The following FRAS1 variants were observed in gnomAD, a reference collection of about 807,000 sequenced individuals.
The protein encoded by FRAS1 is Fraser extracellular matrix complex subunit 1.
A neutral mutation model predicts 435.2 loss-of-function variants in FRAS1; 290 were observed. The observed-to-expected ratio is 0.67, with a 90% confidence interval of 0.61 to 0.73. The LOEUF (loss-of-function observed/expected upper bound fraction) is 0.73. Ranked by LOEUF, FRAS1 falls within the 30% of genes least tolerant of loss-of-function variation. The pLI is 0.00. For synonymous variants in FRAS1, 1,800 were observed against 1,851.0 expected, an observed-to-expected ratio of 0.97 and a Z score of 0.71; for missense variants, 4,860 against 5,001.5, an observed-to-expected ratio of 0.97 and a Z score of 0.85.
intron 2 of FRAS1, among the ~76,000 whole-genome samples, chr4:78,126,030 G>A (rs1719332622): frequency 6.6e-6 from 1 of 152,178 alleles, no homozygotes; most frequent in African/African-American, 2.4e-5. Context: ...GCTGCAGTGG[G>A]CTCCACCCAG....
intron 2 of FRAS1, among the ~76,000 whole-genome samples, chr4:78,115,806 GTT>G (rs1405921966): frequency 6.0e-5 from 9 of 150,998 alleles, no homozygotes; most frequent in African/African-American, 1.7e-4. Context: ...ATTTTTTGAA[GTT>G]TTTTTTGTGT....
intron 66 of FRAS1, among the ~76,000 whole-genome samples, chr4:78,517,908 C>A (rs1033282617): frequency 6.6e-6 from 1 of 151,824 alleles, no homozygotes; most frequent in Non-Finnish European, 1.5e-5. Flanking sequence ...GTATAAGGGA[C>A]AGAACATGGT....
intron 2 of FRAS1, among the ~76,000 whole-genome samples, chr4:78,116,042 T>C (rs1340634252): frequency 2.0e-5 from 3 of 152,244 alleles, no homozygotes; most frequent in South Asian, 2.1e-4. Flanking sequence ...TTTGTTCTCA[T>C]TGGTTTCAAA....
At chr4:78,144,729 G>C (rs987524715) in intron 2 of FRAS1, among the ~76,000 whole-genome samples, 2 of 152,018 alleles carry the variant, frequency 1.3e-5, no homozygotes, top group Non-Finnish European at 2.9e-5. Context: ...TGTGTATTCT[G>C]TTCAGTAATT....
Position 78,464,070 on chromosome 4 carries a change from T to A in FRAS1, c.6813T>A (p.Val2271=). 1 of 1,613,768 alleles carries A rather than the reference T, an allele frequency of 6.2e-7. No homozygotes were observed. The highest frequency in any genetic ancestry group is 8.5e-7 in the Non-Finnish European group (1 of 1,179,788). ...AAGCTGATCTGACTTCACGAAATGT[T>A]CAGTATGTCCATTCTAGTGAGGCTG... ...FTQADLTSRN[V]QYVHSSEAEK... The change falls in exon 48 of 74, where the codon GTT becomes GTA. Residue 2271 remains valine, a synonymous_variant. Transcript: ENST00000512123.
chr4:78,420,112 T>C (rs1733713255), intron 33 of FRAS1, among the ~76,000 whole-genome samples: 1 of 152,222 alleles, frequency 6.6e-6, no homozygotes, highest in Non-Finnish European at 1.5e-5. Context: ...GATCAGGTTC[T>C]ATTAAGATAA....
intron 14 of FRAS1, among the ~76,000 whole-genome samples, chr4:78,303,116 TC>T (rs1398000776): frequency 6.6e-6 from 1 of 152,212 alleles, no homozygotes; most frequent in African/African-American, 2.4e-5. Flanking sequence ...AAATAGGGAA[TC>T]CTTTCCCCAT....
chr4:78,147,541 C>T (rs181909008), intron 2 of FRAS1, among the ~76,000 whole-genome samples: 11 of 152,198 alleles, frequency 7.2e-5, no homozygotes, highest in African/African-American at 2.6e-4. Flanking sequence ...ACGTAAAAGG[C>T]CTTAGCTTTA....
chr4:78,105,779 A>G (rs1302095052), intron 2 of FRAS1, among the ~76,000 whole-genome samples: 10 of 151,934 alleles, frequency 6.6e-5, no homozygotes, highest in Non-Finnish European at 1.3e-4. Flanking sequence ...TCCGGTCTAC[A>G]GCTCCCAGCG....
chr4:78,113,827 G>A (rs1484955389), intron 2 of FRAS1, among the ~76,000 whole-genome samples: 1 of 152,148 alleles, frequency 6.6e-6, no homozygotes, highest in Non-Finnish European at 1.5e-5. Flanking sequence ...AAGTTCTTTA[G>A]TTCAATGAGA....
At chr4:78,375,634 C>G (rs1731728590) in intron 25 of FRAS1, 105 bp from the exon 26 acceptor site, 2 of 921,492 alleles carry the variant, frequency 2.2e-6, no homozygotes, top group East Asian at 5.5e-5. Flanking sequence ...ACAGTTGGGG[C>G]TCATTTGTTG....
chr4:78,218,631 T>C (rs1017862298), intron 2 of FRAS1, among the ~76,000 whole-genome samples: 1 of 152,178 alleles, frequency 6.6e-6, no homozygotes, highest in African/African-American at 2.4e-5. Flanking sequence ...CCACTGTCAT[T>C]CTGGCCCTAC....
At chr4:78,445,766 C>T (rs1718801224) in intron 42 of FRAS1, 54 bp downstream of exon 42, 2 of 1,576,142 alleles carry the variant, frequency 1.3e-6, no homozygotes, top group Non-Finnish European at 1.7e-6. Flanking sequence ...TATTTCACAC[C>T]ATTAGAGAGC....
intron 2 of FRAS1, among the ~76,000 whole-genome samples, chr4:78,230,135 T>A (rs1229582522): frequency 1.3e-5 from 2 of 152,222 alleles, no homozygotes; most frequent in African/African-American, 4.8e-5. Flanking sequence ...AGGTTTATCA[T>A]TTTAAGACAG....
chr4:78,321,030 A>T (rs1729483927), intron 18 of FRAS1, among the ~76,000 whole-genome samples: 1 of 152,246 alleles, frequency 6.6e-6, no homozygotes, highest in Admixed American at 6.5e-5. Flanking sequence ...TTTGAGCACC[A>T]CATTAAACAT....
chr4:78,086,155 C>A (rs1317990608), intron 2 of FRAS1, among the ~76,000 whole-genome samples: 1 of 152,160 alleles, frequency 6.6e-6, no homozygotes, highest in Non-Finnish European at 1.5e-5. Context: ...GGAAACTGAA[C>A]AAACTGCTCC....
At chr4:78,367,300 G>A (rs539347705) in intron 22 of FRAS1, among the ~76,000 whole-genome samples, 1 of 152,112 alleles carries the variant, frequency 6.6e-6, no homozygotes, top group Admixed American at 6.5e-5. Context: ...AGCTATATGG[G>A]AATCTGAAGC....
intron 23 of FRAS1, among the ~76,000 whole-genome samples, chr4:78,371,662 C>T (rs1731515314): frequency 1.3e-5 from 2 of 152,182 alleles, no homozygotes; most frequent in Admixed American, 6.5e-5. Flanking sequence ...AAAGCCATGA[C>T]TTGAATACAG....
Position 78,255,393 on chromosome 4 carries a change from A to G in FRAS1, c.603+18A>G. ...GTAACCAGGTAAGGAAGACAACCTC[A>G]GCATGCAGCCTTCACGGGCTATTGA... is the stretch of plus-strand genomic sequence containing the variant. On this transcript the variant is annotated intron_variant, in intron 6 of 73. Coordinates refer to ENST00000512123, the MANE Select transcript of FRAS1 (RefSeq NM_025074.7). 6.3e-7 allele frequency: 1 copy of G among 1,579,882 alleles called. No individual in the cohort carries two copies. Among genetic ancestry groups the G allele is most frequent in the Non-Finnish European group, 8.6e-7 (1 of 1,161,464 alleles).
Sources: gnomAD v4.1 joint callset for allele counts (sites outside exome capture counted in the v4.1 genomes callset) on GRCh38, gnomAD v4.1.1 for gene constraint, MANE v1.5 for transcripts, NCBI Gene and HGNC (gene_info 2026-07-23, HGNC 2026-07-21) for gene names.